The following ACSM1 variants were observed in gnomAD, a reference collection of about 807,000 sequenced individuals.
ACSM1 encodes the protein acyl-CoA synthetase medium chain family member 1.
In ACSM1, 79 loss-of-function variants were observed where a neutral mutation model predicts 75.8. The ratio of observed to expected loss-of-function variants is 1.04; its 90% CI spans 0.87 to 1.26. The LOEUF (loss-of-function observed/expected upper bound fraction) is 1.26, where lower values mean the gene tolerates loss of function less well. Among genes scored for constraint, ACSM1 ranks in the 50% most tolerant of loss-of-function variants. The pLI is 0.00. For missense variants in ACSM1, 676 were observed against 720.1 expected, an observed-to-expected ratio of 0.94 and a Z score of 0.70; for synonymous variants, 279 against 265.8, an observed-to-expected ratio of 1.05 and a Z score of -0.48.
intron 4 of ACSM1, chr16:20,681,606 T>C (rs1283257579): frequency 2.0e-5 from 3 of 152,826 alleles, no homozygotes; most frequent in Admixed American, 6.5e-5. Flanking sequence ...GCACAGTTGA[T>C]GGCATTAACC....
rs528079777 is a variant in ACSM1 at position 20,682,340 on chromosome 16, G to A, written c.527C>T (p.Ala176Val). 1.2e-6 allele frequency: 2 copies of A among 1,614,086 alleles called. No individual in the cohort carries two copies. Among genetic ancestry groups the A allele is most frequent in the East Asian group, 4.5e-5 (2 of 44,874 alleles). The part of the protein sequence containing the change: ...DALASEVDSI[A>V]SQCPSLKTKL... ...GGTTTTCAGAGAGGGGCACTGAGAA[G>A]CTATGGAGTCCACCTCTGAGGCAAG... is the stretch of plus-strand genomic sequence containing the variant. The change falls in exon 4 of 14, where the codon GCT (alanine) becomes GTT (valine). Residue 176 changes from alanine to valine, a missense_variant. By Grantham distance (64) the Ala-to-Val change is moderately conservative (BLOSUM62 0). Transcript: ENST00000520010.
At chr16:20,633,813 T>C (rs2017493966) in intron 10 of ACSM1, among the ~76,000 whole-genome samples, 2 of 152,150 alleles carry the variant, frequency 1.3e-5, no homozygotes, top group African/African-American at 2.4e-5. Flanking sequence ...GGTGGATCGC[T>C]GGAGGCCAGG....
intron 7 of ACSM1, among the ~76,000 whole-genome samples, chr16:20,640,948 T>C (rs2018021427): frequency 6.6e-6 from 1 of 152,226 alleles, no homozygotes; most frequent in Non-Finnish European, 1.5e-5. Flanking sequence ...GGGTAAAGGA[T>C]GAGATCTTAA....
At chr16:20,626,558 G>A (rs542942847) in intron 11 of ACSM1, among the ~76,000 whole-genome samples, 1 of 151,700 alleles carries the variant, frequency 6.6e-6, no homozygotes, top group Non-Finnish European at 1.5e-5. Context: ...TTTCCTTGCC[G>A]GTCAGTGACC....
At chr16:20,674,340 A>G (rs1316779658) in intron 4 of ACSM1, among the ~76,000 whole-genome samples, 1 of 152,308 alleles carries the variant, frequency 6.6e-6, no homozygotes, top group East Asian at 1.9e-4. Context: ...GTTGCAAAAC[A>G]TGTTTTTCCT....
At chr16:20,647,914 A>G (rs555981515) in intron 7 of ACSM1, among the ~76,000 whole-genome samples, 3 of 152,246 alleles carry the variant, frequency 2.0e-5, no homozygotes, top group Admixed American at 1.3e-4. Context: ...TAAATGCTAA[A>G]CTATCACAGC....
At chr16:20,660,989 G>A (rs2019267512) in intron 7 of ACSM1, among the ~76,000 whole-genome samples, 1 of 152,172 alleles carries the variant, frequency 6.6e-6, no homozygotes, top group South Asian at 2.1e-4. Flanking sequence ...ATATAAAGAA[G>A]CATAAATTGG....
intron 4 of ACSM1, chr16:20,676,032 C>A (rs1366780397): frequency 6.6e-6 from 1 of 152,200 alleles, no homozygotes; most frequent in Non-Finnish European, 1.5e-5. Context: ...GGAATAGAGA[C>A]CCCTCCTCCC....
intron 7 of ACSM1, among the ~76,000 whole-genome samples, chr16:20,658,176 TCA>T (rs1487792839): frequency 4.6e-5 from 7 of 152,216 alleles, no homozygotes; most frequent in African/African-American, 7.2e-5. Context: ...CCTTGAGGAA[TCA>T]TCACACTGTC....
chr16:20,695,073 G>T (rs971406679), intron 1 of ACSM1, among the ~76,000 whole-genome samples: 1 of 152,144 alleles, frequency 6.6e-6, no homozygotes, highest in Non-Finnish European at 1.5e-5. Context: ...AAATAAAGAA[G>T]AAATGACTTT....
intron 9 of ACSM1, 28 bp from the exon 10 acceptor site, chr16:20,636,868 A>C: frequency 6.4e-7 from 1 of 1,572,322 alleles, no homozygotes; most frequent in Non-Finnish European, 8.7e-7. Flanking sequence ...TGAATCATAC[A>C]CTGCAGGAGG....
In ACSM1 at chr16:20,697,011, C is replaced by T. The variant is rs547770586; in HGVS notation, c.-52+625G>A. Among the ~76,000 whole-genome samples, 19 of 152,222 alleles carry T rather than the reference C, an allele frequency of 1.2e-4. No homozygotes were observed. In the East Asian group the frequency reaches 1.7e-3, roughly 14 times the overall value. On this transcript the variant is annotated intron_variant, in intron 1 of 13. Transcript: ENST00000520010. ...ACTTGCTGGCACTGAATGAAGTGCA[C>T]GGTAAGGACTCAATAAATGTTGAGG...
intron 10 of ACSM1, among the ~76,000 whole-genome samples, chr16:20,627,780 G>A (rs2017042323): frequency 6.7e-6 from 1 of 149,740 alleles, no homozygotes; most frequent in African/African-American, 2.5e-5. Context: ...AGTGAGCCAA[G>A]ATCGCGCCAC....
intron 4 of ACSM1, among the ~76,000 whole-genome samples, chr16:20,676,541 G>A (rs1233694898): frequency 6.6e-6 from 1 of 152,158 alleles, no homozygotes; most frequent in Admixed American, 6.5e-5. Flanking sequence ...TAGAAGCTCC[G>A]TAGGTGTGAA....
chr16:20,633,407 C>T (rs964148132), intron 10 of ACSM1, among the ~76,000 whole-genome samples: 1 of 152,040 alleles, frequency 6.6e-6, no homozygotes, highest in African/African-American at 2.4e-5. Flanking sequence ...ATTAAGAAAG[C>T]AATTCTATTT....
At chr16:20,632,343 A>T (rs1306168113) in intron 10 of ACSM1, among the ~76,000 whole-genome samples, 1 of 152,238 alleles carries the variant, frequency 6.6e-6, no homozygotes, top group African/African-American at 2.4e-5. Flanking sequence ...TTAATAAAAA[A>T]GTGAAAATTT....
intron 7 of ACSM1, among the ~76,000 whole-genome samples, chr16:20,659,015 TCACTATCTTTATGA>T (rs1248265905): frequency 6.6e-6 from 1 of 152,150 alleles, no homozygotes; most frequent in Non-Finnish European, 1.5e-5. Context: ...ACCCAAATCT[TCACTATCTTTATGA>T]TAGACATTTT....
chr16:20,669,914 G>C lies in ACSM1; in HGVS notation c.825C>G (p.Thr275=), dbSNP rs540990311. 6.2e-7 allele frequency: 1 copy of C among 1,613,868 alleles called. No homozygotes were observed. Among genetic ancestry groups the C allele is most frequent in the South Asian group, 1.1e-5 (1 of 91,074 alleles). The change falls in exon 6 of 14, where the codon ACC becomes ACG. Residue 275 remains threonine, a synonymous_variant. Coordinates refer to ENST00000520010, the MANE Select transcript of ACSM1 (RefSeq NM_001318890.3). ...TCCATGGTTCTACCAGGGTCCAAAT[G>C]GTAGCCACAATCCATCCTGAGTCCG... ...CLSDSGWIVA[T]IWTLVEPWTA... is the part of the protein sequence containing the mutation.
chr16:20,636,757 G>C lies in ACSM1; in HGVS notation c.1281C>G (p.Ser427Arg). ...GIRIKPVRPV[S>R]LFMCYEGDPE... ...TCATTACCTCATAGCACATGAAGAG[G>C]CTCACAGGCCTGACAGGTTTGATTC... is the stretch of plus-strand genomic sequence containing the variant. Residue 427 changes from serine to arginine, a missense_variant, in exon 10 of 14, where the codon AGC becomes AGG. By Grantham distance (110) the Ser-to-Arg change is moderately radical (BLOSUM62 -1). Transcript: ENST00000520010. 6.2e-7 allele frequency: 1 copy of C among 1,614,000 alleles called. No individual in the cohort carries two copies. The highest frequency in any genetic ancestry group is 1.1e-5 in the South Asian group (1 of 91,066).
Sources: gnomAD v4.1 joint callset for allele counts (sites outside exome capture counted in the v4.1 genomes callset) on GRCh38, gnomAD v4.1.1 for gene constraint, MANE v1.5 for transcripts, NCBI Gene and HGNC (gene_info 2026-07-23, HGNC 2026-07-21) for gene names.